The following GRHL2 variants were observed in gnomAD, a reference collection of about 807,000 sequenced individuals.
GRHL2 encodes the protein grainyhead-like protein 2 homolog.
A neutral mutation model predicts 83.8 loss-of-function variants in GRHL2; 21 were observed. The observed-to-expected ratio is 0.25, with a 90% CI of 0.18 to 0.36. GRHL2 has a LOEUF of 0.36. GRHL2 is among the 10% of genes least tolerant of loss of function. The pLI, the probability that GRHL2 is intolerant of heterozygous loss-of-function variation, is 1.00. For synonymous variants in GRHL2, 280 were observed against 278.9 expected (o/e 1.00, Z -0.04); for missense variants, 623 against 781.8 (o/e 0.80, Z 2.42).
At chr8:101,550,220 A>G (rs1811351274) in intron 2 of GRHL2, among the ~76,000 whole-genome samples, 1 of 149,266 alleles carries the variant, frequency 6.7e-6, no homozygotes, top group Non-Finnish European at 1.5e-5. Context: ...CTTTTGTTTT[A>G]GATTTGGGGA....
chr8:101,504,911 C>T (rs939203297), intron 1 of GRHL2, among the ~76,000 whole-genome samples: 3 of 150,286 alleles, frequency 2.0e-5, no homozygotes, highest in Admixed American at 1.3e-4. Context: ...CAAAAAGTAC[C>T]TGATGGGAAC....
chr8:101,625,734 A>G (rs953656095), intron 9 of GRHL2, among the ~76,000 whole-genome samples: 2 of 152,074 alleles, frequency 1.3e-5, no homozygotes, highest in Non-Finnish European at 2.9e-5. Flanking sequence ...TGGCATTTCC[A>G]ATAGCTCCTA....
chr8:101,619,419 ATAT>A lies in GRHL2; in HGVS notation c.1099-118_1099-116del, dbSNP rs1267804365. ...GTTTTTATGTGAAAAGAATATCAAA[ATAT>A]TCTTCAGTTGTCTTTATGGGGTTGT... is the stretch of plus-strand genomic sequence containing the variant. On this transcript the variant is annotated intron_variant, in intron 8 of 15. Transcript: ENST00000646743. 26 of 787,942 alleles carry A rather than the reference ATAT, an allele frequency of 3.3e-5. No homozygotes were observed. The Middle Eastern group carries it at 1.6e-3, about 50-fold the overall frequency. The allele number at this position is 787,942 out of a possible 1,614,324, so 48.8% of individuals were successfully genotyped here.
chr8:101,680,683 T>A, the GRHL2 span, among the ~76,000 whole-genome samples: 2 of 126,824 alleles, frequency 1.6e-5, no homozygotes, highest in Non-Finnish European at 1.6e-5. Flanking sequence ...GAAGTAAAGC[T>A]CTCCTCAGCA....
chr8:101,588,353 A>G (rs1306362867), intron 7 of GRHL2, among the ~76,000 whole-genome samples: 3 of 152,256 alleles, frequency 2.0e-5, no homozygotes, highest in African/African-American at 7.2e-5. Context: ...ACATAATATC[A>G]AAATCCTCTA....
chr8:101,652,349 G>GTGGT (rs753862872), intron 14 of GRHL2, among the ~76,000 whole-genome samples: 4 of 62,500 alleles, frequency 6.4e-5, no homozygotes, highest in South Asian at 6.0e-4. Context: ...GTATGTGTGT[G>GTGGT]GTGTGTGTGG....
chr8:101,518,436 TCCC>T (rs1343226241), intron 1 of GRHL2, among the ~76,000 whole-genome samples: 2 of 151,676 alleles, frequency 1.3e-5, no homozygotes, highest in East Asian at 3.9e-4. Context: ...ATAAATAAAA[TCCC>T]TAGTATAGGG....
the GRHL2 span, among the ~76,000 whole-genome samples, chr8:101,677,372 G>C: frequency 1.3e-5 from 2 of 151,946 alleles, no homozygotes; most frequent in African/African-American, 2.4e-5. Context: ...TCAAGGCATT[G>C]GCTGTGAGCT....
chr8:101,570,115 G>T (rs1563585571), intron 4 of GRHL2, among the ~76,000 whole-genome samples: 3 of 152,328 alleles, frequency 2.0e-5, no homozygotes, highest in Middle Eastern at 6.8e-3. Context: ...GCAGACACGT[G>T]AATAACATAC....
At chr8:101,525,967 G>A (rs1810795066) in intron 1 of GRHL2, among the ~76,000 whole-genome samples, 1 of 152,152 alleles carries the variant, frequency 6.6e-6, no homozygotes, top group Non-Finnish European at 1.5e-5. Flanking sequence ...CTCTGTTTCA[G>A]AAAAGTAAAA....
intron 8 of GRHL2, 36 bp from the exon 9 acceptor site, chr8:101,619,503 G>A (rs1210397320): frequency 1.2e-6 from 2 of 1,604,800 alleles, no homozygotes; most frequent in Non-Finnish European, 1.7e-6. Context: ...TTCTTTTTAT[G>A]TTGACTTGTG....
intron 1 of GRHL2, among the ~76,000 whole-genome samples, chr8:101,496,134 C>G (rs375268447): frequency 7.9e-6 from 1 of 125,874 alleles, no homozygotes. Context: ...GGTGACAGTG[C>G]GAGACTCCAT....
At chr8:101,651,029 G>A (rs1046405551) in intron 14 of GRHL2, among the ~76,000 whole-genome samples, 7 of 151,974 alleles carry the variant, frequency 4.6e-5, no homozygotes, top group African/African-American at 1.7e-4. Context: ...GTTGTTACTG[G>A]ATCTGCCTCA....
intron 1 of GRHL2, among the ~76,000 whole-genome samples, chr8:101,525,028 C>T (rs534256105): frequency 5.9e-5 from 9 of 152,146 alleles, no homozygotes; most frequent in African/African-American, 1.2e-4. Context: ...CCACAACCTC[C>T]GCCTCCCAGG....
downstream of GRHL2, among the ~76,000 whole-genome samples, chr8:101,671,220 G>T (rs931062517): frequency 6.6e-6 from 1 of 152,324 alleles, no homozygotes; most frequent in Non-Finnish European, 1.5e-5. Context: ...GCAGGGCGAG[G>T]CATTGCCTCA....
At chr8:101,579,350 A>G (rs1811995243) in intron 7 of GRHL2, among the ~76,000 whole-genome samples, 1 of 152,236 alleles carries the variant, frequency 6.6e-6, no homozygotes, top group Non-Finnish European at 1.5e-5. Flanking sequence ...TTCTGAGACT[A>G]GAATGATTTC....
chr8:101,607,486 A>T (rs887394513), intron 8 of GRHL2, among the ~76,000 whole-genome samples: 1 of 152,172 alleles, frequency 6.6e-6, no homozygotes, highest in African/African-American at 2.4e-5. Context: ...ACAGTCTAGG[A>T]TGATATGGGG....
rs142841387 is a variant in GRHL2, at chr8:101,616,711, G to C, written c.1099-2828G>C. On this transcript the variant is annotated intron_variant, in intron 8 of 15. Transcript: ENST00000646743. ...TACACACAACACAGAGGACCACCCT[G>C]TGTTGGTCACTGCTGGATCACTCGT... Among the ~76,000 whole-genome samples, 413 of 152,244 alleles carry C rather than the reference G, an allele frequency of 2.7e-3. 1 individual carries two copies. Among genetic ancestry groups the C allele is most frequent in the African/African-American group, 9.5e-3 (393 of 41,544 alleles).
chr8:101,630,914 T>C (rs1563616502), intron 9 of GRHL2, among the ~76,000 whole-genome samples: 1 of 152,052 alleles, frequency 6.6e-6, no homozygotes, highest in African/African-American at 2.4e-5. Context: ...TAAAGAGATA[T>C]AAGGTGGTGG....
Sources: allele counts gnomAD v4.1 joint callset (sites outside exome capture counted in the v4.1 genomes callset), GRCh38; gene constraint gnomAD v4.1.1; transcripts MANE v1.5; gene names NCBI Gene and HGNC (gene_info 2026-07-23, HGNC 2026-07-21).